NTM: variants seen among roughly 807,000 people sequenced by gnomAD.
NTM encodes neurotrimin, also known as IgLON family member 2.
Under a neutral mutation model 42.1 loss-of-function variants are expected in NTM, and 13 were observed. That is an observed-to-expected ratio of 0.31 (90% CI 0.20 to 0.49). The LOEUF (loss-of-function observed/expected upper bound fraction) is 0.49. Ranked by LOEUF, NTM falls within the 20% of genes least tolerant of loss-of-function variation. The pLI, the probability that NTM is intolerant of heterozygous loss-of-function variation, is 0.99. For missense variants in NTM, 373 were observed against 452.8 expected (o/e 0.82, Z 1.60); for synonymous variants, 187 against 179.2 (o/e 1.04, Z -0.35).
At chr11:132,195,923 A>C (rs1278725953) in intron 3 of NTM, among the ~76,000 whole-genome samples, 1 of 152,186 alleles carries the variant, frequency 6.6e-6, no homozygotes, top group Non-Finnish European at 1.5e-5. Context: ...GAGTCCCCAA[A>C]AGCAATAGCA....
chr11:131,426,764 G>C (rs1420812166), intron 1 of NTM, among the ~76,000 whole-genome samples: 1 of 152,030 alleles, frequency 6.6e-6, no homozygotes, highest in African/African-American at 2.4e-5. Context: ...GTGGCCATTG[G>C]GCTTTCTTGG....
At chr11:131,811,793 A>T (rs2092740786) in intron 1 of NTM, among the ~76,000 whole-genome samples, 1 of 152,206 alleles carries the variant, frequency 6.6e-6, no homozygotes, top group Non-Finnish European at 1.5e-5. Context: ...ACATAGCAAG[A>T]TTCACTCTTG....
intron 2 of NTM, among the ~76,000 whole-genome samples, chr11:132,104,194 G>C (rs1007379203): frequency 6.6e-6 from 1 of 152,124 alleles, no homozygotes; most frequent in African/African-American, 2.4e-5. Flanking sequence ...TTAAGAGCTG[G>C]GGCATCTTTA....
intron 1 of NTM, among the ~76,000 whole-genome samples, chr11:131,532,405 C>G (rs1371630313): frequency 6.6e-6 from 1 of 152,190 alleles, no homozygotes; most frequent in Non-Finnish European, 1.5e-5. Context: ...AACTCTACTC[C>G]TTTTTGTGGC....
chr11:132,217,265 A>T (rs1475790982), intron 4 of NTM, among the ~76,000 whole-genome samples: 1 of 152,180 alleles, frequency 6.6e-6, no homozygotes, highest in Admixed American at 6.5e-5. Flanking sequence ...TAACTAAAGA[A>T]AAAGGAAAAG....
intron 1 of NTM, among the ~76,000 whole-genome samples, chr11:131,487,491 A>G (rs996028464): frequency 3.3e-5 from 5 of 152,372 alleles, no homozygotes; most frequent in African/African-American, 1.2e-4. Flanking sequence ...TCCAGTAGCC[A>G]TGACTTCCTG....
intron 1 of NTM, among the ~76,000 whole-genome samples, chr11:131,595,322 T>C (rs2059723927): frequency 6.6e-6 from 1 of 152,062 alleles, no homozygotes; most frequent in Non-Finnish European, 1.5e-5. Flanking sequence ...TGAGATCCAA[T>C]TAGGAATAAA....
chr11:131,911,187 G>A (rs1346229065), intron 1 of NTM: 2 of 1,351,570 alleles, frequency 1.5e-6, no homozygotes, highest in East Asian at 3.0e-5. Flanking sequence ...TTCACCTGCC[G>A]CGCGCTTCCC....
intron 1 of NTM, among the ~76,000 whole-genome samples, chr11:131,447,539 C>T (rs553275258): frequency 6.6e-6 from 1 of 152,090 alleles, no homozygotes; most frequent in South Asian, 2.1e-4. Flanking sequence ...GCTCTAGCAC[C>T]GGCAGCTCTC....
At chr11:131,658,257 A>G (rs2067462563) in intron 1 of NTM, among the ~76,000 whole-genome samples, 1 of 152,250 alleles carries the variant, frequency 6.6e-6, no homozygotes, top group Non-Finnish European at 1.5e-5. Flanking sequence ...ACTTACACAT[A>G]GAATGTGCTT....
intron 2 of NTM, among the ~76,000 whole-genome samples, chr11:132,073,300 C>T (rs1039734945): frequency 2.0e-5 from 3 of 152,122 alleles, no homozygotes; most frequent in African/African-American, 7.2e-5. Context: ...CTCAGTTTAT[C>T]CAACTAGAAA....
chr11:132,239,971 CCATCCATCCATCCAT>C (rs2089885607), intron 4 of NTM, among the ~76,000 whole-genome samples: 1 of 151,782 alleles, frequency 6.6e-6, no homozygotes. Flanking sequence ...AACCACCCAT[CCATCCATCCATCCAT>C]CATCCATCCA....
intron 1 of NTM, among the ~76,000 whole-genome samples, chr11:131,764,015 C>T (rs1460920438): frequency 3.3e-5 from 5 of 151,698 alleles, no homozygotes; most frequent in African/African-American, 1.2e-4. Flanking sequence ...TATTAAACCT[C>T]TAAAACATTT....
intron 2 of NTM, among the ~76,000 whole-genome samples, chr11:132,054,642 A>G (rs1415424132): frequency 6.6e-6 from 1 of 152,220 alleles, no homozygotes; most frequent in Non-Finnish European, 1.5e-5. Context: ...AGTGTATTCC[A>G]TATTGTAAAT....
At chr11:132,244,844 T>C (rs2090835721) in intron 4 of NTM, among the ~76,000 whole-genome samples, 1 of 152,204 alleles carries the variant, frequency 6.6e-6, no homozygotes, top group South Asian at 2.1e-4. Flanking sequence ...TGCTGGCTAA[T>C]GGGGCGGAGC....
intron 1 of NTM, among the ~76,000 whole-genome samples, chr11:131,721,702 A>T (rs2078349510): frequency 6.6e-6 from 1 of 152,106 alleles, no homozygotes; most frequent in African/African-American, 2.4e-5. Context: ...TGAGGATTAG[A>T]TGAAATAATG....
chr11:131,415,768 CT>C (rs1946879764), intron 1 of NTM, among the ~76,000 whole-genome samples: 1 of 152,198 alleles, frequency 6.6e-6, no homozygotes, highest in Non-Finnish European at 1.5e-5. Context: ...TGAAGAACAA[CT>C]GTCATGGCCT....
chr11:131,888,585 C>T (rs940529141), intron 1 of NTM, among the ~76,000 whole-genome samples: 1 of 152,166 alleles, frequency 6.6e-6, no homozygotes, highest in Non-Finnish European at 1.5e-5. Context: ...TTTCTCCCTC[C>T]TCCTTCCACT....
intron 1 of NTM, among the ~76,000 whole-genome samples, chr11:131,477,087 C>A (rs1953022943): frequency 6.6e-6 from 1 of 152,046 alleles, no homozygotes; most frequent in African/African-American, 2.4e-5. Flanking sequence ...GGGAGGGTAG[C>A]ACAGCTTGGA....
Sources: allele counts gnomAD v4.1 joint callset (sites outside exome capture counted in the v4.1 genomes callset), GRCh38; gene constraint gnomAD v4.1.1; transcripts MANE v1.5; gene names NCBI Gene and HGNC (gene_info 2026-07-23, HGNC 2026-07-21).